Variants in FIBIN observed in about 807,000 individuals in gnomAD.
The protein encoded by FIBIN is fin bud initiation factor homolog (zebrafish).
In FIBIN, 8 loss-of-function variants were observed where a neutral mutation model predicts 13.0. The observed-to-expected ratio is 0.62, with a 90% confidence interval of 0.36 to 1.11. The LOEUF is 1.11. FIBIN is among the 50% of genes most tolerant of loss of function. The pLI is 0.02. For synonymous variants in FIBIN, 127 were observed against 114.7 expected, an observed-to-expected ratio of 1.11 and a Z score of -0.69; for missense variants, 261 against 260.2, an observed-to-expected ratio of 1.00 and a Z score of -0.02.
chr11:26,994,958 C>A lies in FIBIN; in HGVS notation c.432C>A (p.Phe144Leu). ...DKSLTELESKFKQGQEQDSRQ... is the reference protein window; with the variant it reads ...DKSLTELESKLKQGQEQDSRQ... Reference sequence around the variant, plus strand: ...CCCTCACTGAGCTGGAGAGCAAGTTCAAGCAGGGCCAGGAACAGGACAGCC... The same window carrying A: ...CCCTCACTGAGCTGGAGAGCAAGTTAAAGCAGGGCCAGGAACAGGACAGCC... The change falls in exon 1 of 1, where the codon TTC becomes TTA. Residue 144 changes from phenylalanine (F) to leucine (L), a missense_variant. Physicochemically the swap from Phe to Leu is conservative, Grantham distance 22. Coordinates refer to ENST00000318627, the MANE Select transcript of FIBIN (RefSeq NM_203371.2). 3 of 1,613,266 alleles carry A rather than the reference C, an allele frequency of 1.9e-6. No homozygotes were observed. Among genetic ancestry groups the A allele is most frequent in the Non-Finnish European group, 2.5e-6 (3 of 1,179,592 alleles).
rs1850903035 is a variant in FIBIN at position 26,994,630 on chromosome 11, A to G, written c.104A>G (p.His35Arg). 6.2e-7 allele frequency: 1 copy of G among 1,613,878 alleles called. No homozygotes were observed. Among genetic ancestry groups the G allele is most frequent in the South Asian group, 1.1e-5 (1 of 91,080 alleles). The change falls in exon 1 of 1, where the codon CAC becomes CGC. Residue 35 changes from histidine (H) to arginine (R), a missense_variant. By Grantham distance (29) the His-to-Arg change is conservative. Transcript: ENST00000318627. ...GAGATGTCCAATGGGACTCTGCACC[A>G]CTACTTCGTGCCCGATGGGGACTAT... Reference protein sequence around the residue: ...YPEMSNGTLHHYFVPDGDYEE... With the variant: ...YPEMSNGTLHRYFVPDGDYEE...
rs749074974 is a variant in FIBIN, at chr11:26,994,648, G to T, written c.122G>T (p.Gly41Val). Residue 41 changes from glycine to valine, a missense_variant, in exon 1 of 1, where the codon GGG (glycine) becomes GTG (valine). By Grantham distance (109) the Gly-to-Val change is moderately radical (BLOSUM62 -3). Coordinates refer to ENST00000318627, the MANE Select transcript of FIBIN (RefSeq NM_203371.2). ...GTLHHYFVPDGDYEENDDPEK... is the reference protein window; with the variant it reads ...GTLHHYFVPDVDYEENDDPEK... ...CTGCACCACTACTTCGTGCCCGATGGGGACTATGAGGAGAACGATGACCCC... is the reference window on the plus strand; with the variant it reads ...CTGCACCACTACTTCGTGCCCGATGTGGACTATGAGGAGAACGATGACCCC... 1 of 1,614,070 alleles carries T rather than the reference G, an allele frequency of 6.2e-7. No individual in the cohort carries two copies. The highest frequency in any genetic ancestry group is 1.1e-5 in the South Asian group (1 of 91,074).
rs1379586427 is a variant in FIBIN, at chr11:26,996,003, G to C, written c.*841G>C. The C allele has an allele frequency of 6.0e-6, 1 of 166,208 alleles. No homozygotes were observed. Among genetic ancestry groups the C allele is most frequent in the Non-Finnish European group, 1.5e-5 (1 of 68,104 alleles). 10.3% of individuals were successfully genotyped at this position (166,208 alleles called of 1,614,324 possible). A position where few individuals can be genotyped will look rare whatever the true frequency, so the allele number is the denominator to read the frequency against. Reference sequence around the variant, plus strand: ...TTACCAATGTATTCTTTCTCATTTGGGGTTTTGCTTCTGTCTGTCTGTTTA... The same window carrying C: ...TTACCAATGTATTCTTTCTCATTTGCGGTTTTGCTTCTGTCTGTCTGTTTA... On this transcript the variant is annotated 3_prime_UTR_variant, in exon 1 of 1. Transcript: ENST00000318627.
In FIBIN at chr11:26,994,261, C is replaced by T. The variant is rs2133346914; in HGVS notation, c.-266C>T. On this transcript the variant is annotated 5_prime_UTR_variant, in exon 1 of 1. Coordinates refer to ENST00000318627, the MANE Select transcript of FIBIN (RefSeq NM_203371.2). Reference sequence around the variant, plus strand: ...CCAGGGCCCCGGAGGAGGGGTTCCCCGCTACGCCTGTGCCGGAGGAGTTCC... The same window carrying T: ...CCAGGGCCCCGGAGGAGGGGTTCCCTGCTACGCCTGTGCCGGAGGAGTTCC... 1 of 414,504 alleles carries T rather than the reference C, an allele frequency of 2.4e-6. No homozygotes were observed. Among genetic ancestry groups the T allele is most frequent in the East Asian group, 3.8e-5 (1 of 26,500 alleles). 25.7% of individuals were successfully genotyped at this position (414,504 alleles called of 1,614,324 possible). A position where few individuals can be genotyped will look rare whatever the true frequency, so the allele number is the denominator to read the frequency against.
Position 26,994,676 on chromosome 11 carries a change from G to C in FIBIN, c.150G>C (p.Glu50Asp). The change falls in exon 1 of 1, where the codon GAG becomes GAC. Residue 50 changes from glutamate to aspartate, a missense_variant. Coordinates refer to ENST00000318627, the MANE Select transcript of FIBIN (RefSeq NM_203371.2). ...DGDYEENDDP[E>D]KCQLLFRVSD... is the part of the protein sequence containing the mutation. ...ACTATGAGGAGAACGATGACCCCGA[G>C]AAGTGCCAGCTGCTCTTCAGGGTGA... The C allele has an allele frequency of 6.2e-7, 1 of 1,613,904 alleles. No homozygotes were observed.
Position 26,996,810 on chromosome 11 carries a change from G to T in FIBIN, c.*1648G>T, listed in dbSNP as rs1012622690. On this transcript the variant is annotated 3_prime_UTR_variant, in exon 1 of 1. Transcript: ENST00000318627. ...CCTCCATCAGTTATAACAGCCCCTG[G>T]TCTTCTTAAATTTAAACACGGGACT... 6.6e-6 allele frequency among the ~76,000 whole-genome samples: 1 copy of T among 152,120 alleles called. No individual in the cohort carries two copies. The highest frequency in any genetic ancestry group is 1.5e-5 in the Non-Finnish European group (1 of 68,026).
Position 26,994,740 on chromosome 11 carries a change from G to T in FIBIN, c.214G>T (p.Val72Phe). 1 of 1,613,666 alleles carries T rather than the reference G, an allele frequency of 6.2e-7. No homozygotes were observed. The highest frequency in any genetic ancestry group is 8.5e-7 in the Non-Finnish European group (1 of 1,179,936). ...RRCSQGEGSQ[V>F]GSLLSLTLRE... ...CTGCTCCCAGGGGGAGGGGAGCCAG[G>T]TTGGCAGCCTGCTGAGCCTCACCCT... The change falls in exon 1 of 1, where the codon GTT (valine) becomes TTT (phenylalanine). Residue 72 changes from valine to phenylalanine, a missense_variant. Val to Phe is a conservative substitution (Grantham distance 50, BLOSUM62 -1). Transcript: ENST00000318627.
In FIBIN at chr11:26,994,610, G is replaced by A; in HGVS notation, c.84G>A (p.Met28Ile). 1.2e-6 allele frequency: 2 copies of A among 1,614,100 alleles called. No individual in the cohort carries two copies. Among genetic ancestry groups the A allele is most frequent in the Non-Finnish European group, 1.7e-6 (2 of 1,180,020 alleles). ...TCGATGGCCCCCTCTACCCAGAGAT[G>A]TCCAATGGGACTCTGCACCACTACT... is the stretch of plus-strand genomic sequence containing the variant. ...GYFDGPLYPE[M>I]SNGTLHHYFV... Residue 28 changes from methionine (M) to isoleucine (I), a missense_variant, in exon 1 of 1, where the codon ATG (methionine) becomes ATA (isoleucine). Physicochemically the swap from Met to Ile is conservative, Grantham distance 10. Transcript: ENST00000318627.
In FIBIN at chr11:26,994,757, C is replaced by A. The variant is rs1850905400; in HGVS notation, c.231C>A (p.Ser77Arg). Residue 77 changes from serine (S) to arginine (R), a missense_variant, in exon 1 of 1, where the codon AGC (serine) becomes AGA (arginine). Physicochemically the swap from Ser to Arg is moderately radical, Grantham distance 110. Transcript: ENST00000318627. ...GGAGCCAGGTTGGCAGCCTGCTGAG[C>A]CTCACCCTGCGGGAGGAGTTCACCG... ...GEGSQVGSLLSLTLREEFTVL... is the reference protein window; with the variant it reads ...GEGSQVGSLLRLTLREEFTVL... 2 of 1,613,022 alleles carry A rather than the reference C, an allele frequency of 1.2e-6. No homozygotes were observed. The highest frequency in any genetic ancestry group is 8.5e-7 in the Non-Finnish European group (1 of 1,179,632).
chr11:26,996,577 C>T lies in FIBIN; in HGVS notation c.*1415C>T, dbSNP rs1850930484. On this transcript the variant is annotated 3_prime_UTR_variant, in exon 1 of 1. Transcript: ENST00000318627. Reference sequence around the variant, plus strand: ...TTCCCTAGCTAATTCTTACTCTCACCTTAAATATGCTTTCTTGTTGCATAT... The same window carrying T: ...TTCCCTAGCTAATTCTTACTCTCACTTTAAATATGCTTTCTTGTTGCATAT... 6.6e-6 allele frequency among the ~76,000 whole-genome samples: 1 copy of T among 152,066 alleles called. No homozygotes were observed. The highest frequency in any genetic ancestry group is 1.5e-5 in the Non-Finnish European group (1 of 68,012).
Position 26,995,963 on chromosome 11 carries a change from T to C in FIBIN, c.*801T>C, listed in dbSNP as rs982431480. 6.0e-6 allele frequency: 1 copy of C among 166,506 alleles called. No homozygotes were observed. Among genetic ancestry groups the C allele is most frequent in the African/African-American group, 2.4e-5 (1 of 41,472 alleles). 10.3% of individuals were successfully genotyped at this position (166,506 alleles called of 1,614,324 possible). Reference sequence around the variant, plus strand: ...TAGATTGTATGAACATACCCACAAATGCCTATGATTTAGGTTACCAATGTA... The same window carrying C: ...TAGATTGTATGAACATACCCACAAACGCCTATGATTTAGGTTACCAATGTA... On this transcript the variant is annotated 3_prime_UTR_variant, in exon 1 of 1. Coordinates refer to ENST00000318627, the MANE Select transcript of FIBIN (RefSeq NM_203371.2).
chr11:26,994,229 C>G lies in FIBIN; in HGVS notation c.-298C>G, dbSNP rs1180113035. The G allele has an allele frequency of 2.3e-5, 8 of 348,414 alleles. No individual in the cohort carries two copies. The highest frequency in any genetic ancestry group is 4.2e-5 in the African/African-American group (2 of 47,662). The allele number at this position is 348,414 out of a possible 1,614,324, so 21.6% of individuals were successfully genotyped here. A position where few individuals can be genotyped will look rare whatever the true frequency, so the allele number is the denominator to read the frequency against. On this transcript the variant is annotated 5_prime_UTR_variant, in exon 1 of 1. Transcript: ENST00000318627. ...TCCGAGAGGAGGGCAACAGAGCCAG[C>G]ATCTTGCCAGGGCCCCGGAGGAGGG...
In FIBIN at chr11:26,995,260, T is replaced by C; in HGVS notation, c.*98T>C. On this transcript the variant is annotated 3_prime_UTR_variant, in exon 1 of 1. Transcript: ENST00000318627. ...GGCTACATTTCCCCCATACCTACTATTTTTTTATATCCCGATTTGCACTTT... is the reference window on the plus strand; with the variant it reads ...GGCTACATTTCCCCCATACCTACTACTTTTTTATATCCCGATTTGCACTTT... 2.5e-6 allele frequency: 3 copies of C among 1,203,646 alleles called. No individual in the cohort carries two copies. Among genetic ancestry groups the C allele is most frequent in the Middle Eastern group, 2.4e-4 (1 of 4,198 alleles). 74.6% of individuals were successfully genotyped at this position (1,203,646 alleles called of 1,614,324 possible).
Position 26,994,804 on chromosome 11 carries a change from A to G in FIBIN, c.278A>G (p.Asp93Gly), listed in dbSNP as rs1564936802. ...EFTVLGRQVEDAGRVLEGISK... is the reference protein window; with the variant it reads ...EFTVLGRQVEGAGRVLEGISK... Reference sequence around the variant, plus strand: ...ACCGTGCTGGGCCGCCAGGTGGAGGATGCTGGGCGCGTGCTGGAGGGCATC... The same window carrying G: ...ACCGTGCTGGGCCGCCAGGTGGAGGGTGCTGGGCGCGTGCTGGAGGGCATC... The change falls in exon 1 of 1, where the codon GAT becomes GGT. Residue 93 changes from aspartate to glycine, a missense_variant. Physicochemically the swap from Asp to Gly is moderately conservative, Grantham distance 94. Transcript: ENST00000318627. 2 of 1,606,934 alleles carry G rather than the reference A, an allele frequency of 1.2e-6. No homozygotes were observed. The highest frequency in any genetic ancestry group is 2.2e-5 in the East Asian group (1 of 44,742).
At position 26,994,914 on chromosome 11, in the gene FIBIN, T is replaced by C. The variant is rs936582341; in HGVS notation, c.388T>C (p.Tyr130His). The C allele has an allele frequency of 2.1e-5, 34 of 1,607,510 alleles. No individual in the cohort carries two copies. The highest frequency in any genetic ancestry group is 2.8e-5 in the Non-Finnish European group (33 of 1,176,508). ...RRESHQIGDA[Y>H]SNSDKSLTEL... ...GGAGTCCCACCAGATCGGGGATGCC[T>C]ACTCCAACTCGGACAAATCCCTCAC... The change falls in exon 1 of 1, where the codon TAC becomes CAC. Residue 130 changes from tyrosine (Y) to histidine (H), a missense_variant. Transcript: ENST00000318627.
Position 26,994,579 on chromosome 11 carries a change from G to A in FIBIN, c.53G>A (p.Gly18Asp). 1.2e-6 allele frequency: 2 copies of A among 1,613,516 alleles called. No homozygotes were observed. Among genetic ancestry groups the A allele is most frequent in the Non-Finnish European group, 8.5e-7 (1 of 1,179,710 alleles). The part of the protein sequence containing the change: ...CMSFFCHLCQ[G>D]YFDGPLYPEM... ...AGTTTCTTCTGCCACCTGTGTCAAG[G>A]CTACTTCGATGGCCCCCTCTACCCA... Residue 18 changes from glycine to aspartate, a missense_variant, in exon 1 of 1, where the codon GGC becomes GAC. Gly to Asp is a moderately conservative substitution (Grantham distance 94). Transcript: ENST00000318627.
rs1039678215 is a variant in FIBIN at position 26,996,631 on chromosome 11, G to A, written c.*1469G>A. 3.3e-5 allele frequency among the ~76,000 whole-genome samples: 5 copies of A among 151,612 alleles called. No homozygotes were observed. Among genetic ancestry groups the A allele is most frequent in the Non-Finnish European group, 2.9e-5 (2 of 67,852 alleles). On this transcript the variant is annotated 3_prime_UTR_variant, in exon 1 of 1. Coordinates refer to ENST00000318627, the MANE Select transcript of FIBIN (RefSeq NM_203371.2). Reference sequence around the variant, plus strand: ...CACAGATACACACACACACACACACGAAAATAAATAAATGTTCATATTCTT... The same window carrying A: ...CACAGATACACACACACACACACACAAAAATAAATAAATGTTCATATTCTT...
chr11:26,995,104 C>T lies in FIBIN; in HGVS notation c.578C>T (p.Thr193Ile). 1 of 1,613,480 alleles carries T rather than the reference C, an allele frequency of 6.2e-7. No homozygotes were observed. The highest frequency in any genetic ancestry group is 8.5e-7 in the Non-Finnish European group (1 of 1,179,804). Reference protein sequence around the residue: ...LRDKYELLALTIRSHGTRLGR... With the variant: ...LRDKYELLALIIRSHGTRLGR... ...GACAAATACGAGCTGCTGGCCCTCA[C>T]CATTAGGAGCCATGGGACCCGACTA... Residue 193 changes from threonine (T) to isoleucine (I), a missense_variant, in exon 1 of 1, where the codon ACC (threonine) becomes ATC (isoleucine). Coordinates refer to ENST00000318627, the MANE Select transcript of FIBIN (RefSeq NM_203371.2).
In FIBIN at chr11:26,994,801, A is replaced by G. The variant is rs1850906073; in HGVS notation, c.275A>G (p.Glu92Gly). 1 of 1,607,736 alleles carries G rather than the reference A, an allele frequency of 6.2e-7. No individual in the cohort carries two copies. The highest frequency in any genetic ancestry group is 1.3e-5 in the African/African-American group (1 of 74,808). The stretch of plus-strand genomic sequence containing the variant: ...TTCACCGTGCTGGGCCGCCAGGTGG[A>G]GGATGCTGGGCGCGTGCTGGAGGGC... ...EEFTVLGRQVEDAGRVLEGIS... is the reference protein window; with the variant it reads ...EEFTVLGRQVGDAGRVLEGIS... Residue 92 changes from glutamate to glycine, a missense_variant, in exon 1 of 1, where the codon GAG becomes GGG. By Grantham distance (98) the Glu-to-Gly change is moderately conservative. Coordinates refer to ENST00000318627, the MANE Select transcript of FIBIN (RefSeq NM_203371.2).
Sources: gnomAD v4.1 joint callset for allele counts (sites outside exome capture counted in the v4.1 genomes callset) on GRCh38, gnomAD v4.1.1 for gene constraint, MANE v1.5 for transcripts, NCBI Gene and HGNC (gene_info 2026-07-23, HGNC 2026-07-21) for gene names.